The following SAMD5 variants were observed in gnomAD, a reference collection of about 807,000 sequenced individuals.
SAMD5 encodes sterile alpha motif domain-containing protein 5.
A neutral mutation model predicts 11.3 loss-of-function variants in SAMD5; 13 were observed. The observed-to-expected ratio is 1.15, with a 90% CI of 0.75 to 1.83. The LOEUF is 1.83. Among genes scored for constraint, SAMD5 ranks in the 40% most tolerant of loss-of-function variants. The pLI is 0.00. For missense variants in SAMD5, 255 were observed against 239.1 expected (o/e 1.07, Z -0.44); for synonymous variants, 129 against 111.3 (o/e 1.16, Z -1.00).
downstream of SAMD5, among the ~76,000 whole-genome samples, chr6:147,742,410 G>T (rs762552973): frequency 6.6e-5 from 10 of 152,224 alleles, no homozygotes; most frequent in Non-Finnish European, 1.3e-4. Flanking sequence ...TAATCTTCGC[G>T]TGACCTGCGT....
At position 147,583,956 on chromosome 6, in the gene SAMD5, T is replaced by C. The variant is rs1053746106; in HGVS notation, c.162+74569T>C. On this transcript the variant is annotated intron_variant, in intron 1 of 1. Transcript: ENST00000566741. ...TTTCCATTTCTAAAACAAGTATAAA[T>C]AAAAATGTTCATTTATATTGCCAAG... is the stretch of plus-strand genomic sequence containing the variant. 3.9e-5 allele frequency among the ~76,000 whole-genome samples: 6 copies of C among 152,108 alleles called. No homozygotes were observed. The South Asian group carries it at 8.3e-4, about 21-fold the overall frequency.
At chr6:147,828,450 G>A in the SAMD5 span, among the ~76,000 whole-genome samples, 22 of 152,174 alleles carry the variant, frequency 1.4e-4, no homozygotes, top group African/African-American at 5.3e-4. Flanking sequence ...TGAGTCAGTG[G>A]TCTGGGAAAG....
At chr6:147,886,458 A>G in the SAMD5 span, among the ~76,000 whole-genome samples, 2 of 151,974 alleles carry the variant, frequency 1.3e-5, no homozygotes, top group South Asian at 4.2e-4. Flanking sequence ...TATAACACCC[A>G]GATTCTAAAG....
chr6:147,791,851 T>C, the SAMD5 span, among the ~76,000 whole-genome samples: 1 of 152,186 alleles, frequency 6.6e-6, no homozygotes, highest in African/African-American at 2.4e-5. Context: ...GGCTGCATAT[T>C]TTATGCCAAT....
the SAMD5 span, among the ~76,000 whole-genome samples, chr6:147,743,586 T>C: frequency 6.6e-6 from 1 of 152,232 alleles, no homozygotes; most frequent in African/African-American, 2.4e-5. Context: ...ATAGGAAATT[T>C]ATCTTCTAAA....
At chr6:147,799,404 G>T in the SAMD5 span, among the ~76,000 whole-genome samples, 4,202 of 151,072 alleles carry the variant, frequency 0.028, 205 homozygotes, top group African/African-American at 0.097. Flanking sequence ...GCCCCCACTC[G>T]CTTCTGGCTT....
chr6:147,891,560 A>C, the SAMD5 span, among the ~76,000 whole-genome samples: 9 of 152,178 alleles, frequency 5.9e-5, no homozygotes, highest in East Asian at 1.7e-3. Flanking sequence ...TAAATGTGTA[A>C]GAGAAGCAAT....
At chr6:147,734,908 G>C (rs1334828433) in intron 1 of SAMD5, among the ~76,000 whole-genome samples, 2 of 151,900 alleles carry the variant, frequency 1.3e-5, no homozygotes, top group Non-Finnish European at 2.9e-5. Context: ...CTTCTGCAAG[G>C]TATTGACTCT....
chr6:147,556,773 T>G (rs542463109), intron 1 of SAMD5, among the ~76,000 whole-genome samples: 4 of 152,182 alleles, frequency 2.6e-5, no homozygotes, highest in Non-Finnish European at 5.9e-5. Flanking sequence ...ATAACTGATA[T>G]AAAAACAAAA....
At chr6:147,661,982 G>A (rs1205786022) in intron 1 of SAMD5, among the ~76,000 whole-genome samples, 4 of 152,140 alleles carry the variant, frequency 2.6e-5, no homozygotes, top group African/African-American at 9.7e-5. Context: ...TAAGTTCACG[G>A]TTGCCCATTC....
intron 1 of SAMD5, among the ~76,000 whole-genome samples, chr6:147,555,581 T>C (rs1018405558): frequency 6.6e-6 from 1 of 152,220 alleles, no homozygotes; most frequent in African/African-American, 2.4e-5. Context: ...ATTTTTAAAA[T>C]ATATTGAATA....
intron 1 of SAMD5, among the ~76,000 whole-genome samples, chr6:147,645,993 T>C (rs1790390664): frequency 6.6e-6 from 1 of 150,908 alleles, no homozygotes; most frequent in African/African-American, 2.5e-5. Flanking sequence ...TCTCTATTTC[T>C]ATATCTGTCT....
chr6:147,913,586 C>T, the SAMD5 span, among the ~76,000 whole-genome samples: 1 of 152,114 alleles, frequency 6.6e-6, no homozygotes, highest in Non-Finnish European at 1.5e-5. Context: ...ATCCCAGCTA[C>T]TTCAGAGGCT....
chr6:147,735,743 G>A lies in SAMD5; in HGVS notation c.163-1574G>A, dbSNP rs539675133. On this transcript the variant is annotated intron_variant, in intron 1 of 1. Coordinates refer to the SAMD5 transcript ENST00000566741. ...AGACAGGCAGTTATCTGTAAATCCA[G>A]AGTCACCATTGTAGACTTGATGTAT... Among the ~76,000 whole-genome samples, 5 of 152,188 alleles carry A rather than the reference G, an allele frequency of 3.3e-5. No homozygotes were observed. In the South Asian group the frequency reaches 1.0e-3, roughly 32 times the overall value.
intron 1 of SAMD5, among the ~76,000 whole-genome samples, chr6:147,734,576 C>T (rs192293295): frequency 6.6e-6 from 1 of 151,374 alleles, no homozygotes; most frequent in East Asian, 1.9e-4. Context: ...ATAATCCGGG[C>T]GTGTTGGGTG....
At chr6:147,879,103 G>T in the SAMD5 span, among the ~76,000 whole-genome samples, 1 of 152,210 alleles carries the variant, frequency 6.6e-6, no homozygotes, top group Non-Finnish European at 1.5e-5. Context: ...GGAAATTAAA[G>T]ATAAGATATT....
chr6:147,795,189 A>G, the SAMD5 span, among the ~76,000 whole-genome samples: 3 of 141,098 alleles, frequency 2.1e-5, no homozygotes, highest in Non-Finnish European at 3.1e-5. Flanking sequence ...AGCATTAGGT[A>G]TATCTCCCAA....
At chr6:147,830,247 C>CTT in the SAMD5 span, among the ~76,000 whole-genome samples, 3 of 116,234 alleles carry the variant, frequency 2.6e-5, no homozygotes, top group Admixed American at 8.7e-5. Flanking sequence ...TTCTTTCTTT[C>CTT]TTTCTTTTTT....
At chr6:147,774,022 T>C in the SAMD5 span, among the ~76,000 whole-genome samples, 2 of 152,098 alleles carry the variant, frequency 1.3e-5, no homozygotes, top group Non-Finnish European at 2.9e-5. Context: ...TTTGTATTTT[T>C]GTAGAGATGG....
Sources: gnomAD v4.1 joint callset for allele counts (sites outside exome capture counted in the v4.1 genomes callset) on GRCh38, gnomAD v4.1.1 for gene constraint, MANE v1.5 for transcripts, NCBI Gene and HGNC (gene_info 2026-07-23, HGNC 2026-07-21) for gene names.